Variants in FASN observed in about 807,000 individuals in gnomAD.
FASN encodes fatty acid synthase.
In FASN, 50 loss-of-function variants were observed where a neutral mutation model predicts 250.0. The observed-to-expected ratio is 0.20, with a 90% CI of 0.16 to 0.25. The LOEUF (loss-of-function observed/expected upper bound fraction) is 0.25. Among genes scored for constraint, FASN ranks in the 10% least tolerant of loss-of-function variants. FASN has a pLI of 1.00. For missense variants in FASN, 3,031 were observed against 3,498.5 expected, an observed-to-expected ratio of 0.87 and a Z score of 3.37; for synonymous variants, 1,909 against 1,584.0, an observed-to-expected ratio of 1.21 and a Z score of -4.87.
In FASN at chr17:82,086,441, A is replaced by G; in HGVS notation, c.3545T>C (p.Leu1182Ser). 3.1e-6 allele frequency: 5 copies of G among 1,612,172 alleles called. No individual in the cohort carries two copies. Among genetic ancestry groups the G allele is most frequent in the Non-Finnish European group, 4.2e-6 (5 of 1,179,916 alleles). ...GAGCTGAAGCCTGCAGGCAGCCGACAACAGCCGGGGCAGTTCCTGCTGTGA... is the reference window on the plus strand; with the variant it reads ...GAGCTGAAGCCTGCAGGCAGCCGACGACAGCCGGGGCAGTTCCTGCTGTGA... ...DPSQQELPRL[L>S]SAACRLQLNG... Residue 1182 changes from leucine to serine, a missense_variant, in exon 22 of 43, where the codon TTG becomes TCG. Transcript: ENST00000306749.
At position 82,081,358 on chromosome 17, in the gene FASN, AG is replaced by A; in HGVS notation, c.6407-7del. 6.4e-7 allele frequency: 1 copy of A among 1,559,256 alleles called. No individual in the cohort carries two copies. Among genetic ancestry groups the A allele is most frequent in the Non-Finnish European group, 8.7e-7 (1 of 1,152,854 alleles). On this transcript the variant is annotated splice_region_variant and splice_polypyrimidine_tract_variant and intron_variant, in intron 37 of 42. Coordinates refer to ENST00000306749, the MANE Select transcript of FASN (RefSeq NM_004104.5). The stretch of plus-strand genomic sequence containing the variant: ...AGCAGCCAAGTCGCGGATGCCTGGA[AG>A]GGATGCGCCGGGTCGGCAACTCCAG...
chr17:82,091,629 G>C lies in FASN; in HGVS notation c.1085C>G (p.Pro362Arg), dbSNP rs2034211403. The change falls in exon 9 of 43, where the codon CCC (proline) becomes CGC (arginine). Residue 362 changes from proline (P) to arginine (R), a missense_variant. Pro to Arg is a moderately radical substitution (Grantham distance 103). Transcript: ENST00000306749. ...LWAPNLHFHS[P>R]NPEIPALLDG... is the part of the protein sequence containing the mutation. ...CAACAGCGCTGGGATCTCAGGGTTGGGGCTATGGAAGTGCAGGTTGGGGGC... is the reference window on the plus strand; with the variant it reads ...CAACAGCGCTGGGATCTCAGGGTTGCGGCTATGGAAGTGCAGGTTGGGGGC... 1 of 1,597,098 alleles carries C rather than the reference G, an allele frequency of 6.3e-7. No individual in the cohort carries two copies. The highest frequency in any genetic ancestry group is 8.5e-7 in the Non-Finnish European group (1 of 1,173,548).
In FASN at chr17:82,084,170, T is replaced by C. The variant is rs1480456167; in HGVS notation, c.4920-17A>G. On this transcript the variant is annotated splice_polypyrimidine_tract_variant and intron_variant, in intron 28 of 42. Coordinates refer to ENST00000306749, the MANE Select transcript of FASN (RefSeq NM_004104.5). ...TCCAGCGTCCTGGGGATGCAGCAGG[T>C]GGGTCAGCACAGGCCTGGCCGCCAT... is the stretch of plus-strand genomic sequence containing the variant. 2.5e-6 allele frequency: 4 copies of C among 1,604,252 alleles called. No homozygotes were observed. In the East Asian group the frequency reaches 9.1e-5, roughly 36 times the overall value.
At chr17:82,093,555 C>T (rs2034251450) in intron 4 of FASN, 43 bp downstream of exon 4, 4 of 1,611,832 alleles carry the variant, frequency 2.5e-6, no homozygotes, top group Non-Finnish European at 2.5e-6. Flanking sequence ...CATGTGGGGA[C>T]CTGAAGGCCA....
At chr17:82,090,849 G>C in intron 10 of FASN, 33 bp downstream of exon 10, 3 of 1,556,328 alleles carry the variant, frequency 1.9e-6, no homozygotes, top group Non-Finnish European at 2.6e-6. Context: ...CCTGGGGCTG[G>C]CGTTGCTCAC....
chr17:82,088,048 G>C lies in FASN; in HGVS notation c.2786-14C>G. 1 of 1,612,588 alleles carries C rather than the reference G, an allele frequency of 6.2e-7. No individual in the cohort carries two copies. Among genetic ancestry groups the C allele is most frequent in the East Asian group, 2.2e-5 (1 of 44,876 alleles). ...GGGACACTGTCCCTGCAGAGCGGGA[G>C]AGTTGGAGATCAGAGGGCAGCACCC... is the stretch of plus-strand genomic sequence containing the variant. On this transcript the variant is annotated splice_polypyrimidine_tract_variant and intron_variant, in intron 17 of 42. Coordinates refer to ENST00000306749, the MANE Select transcript of FASN (RefSeq NM_004104.5).
chr17:82,081,634 G>C lies in FASN; in HGVS notation c.6373C>G (p.Arg2125Gly). Residue 2125 changes from arginine to glycine, a missense_variant, in exon 37 of 43, where the codon CGG (arginine) becomes GGG (glycine). By Grantham distance (125) the Arg-to-Gly change is moderately radical (BLOSUM62 -2). Coordinates refer to ENST00000306749, the MANE Select transcript of FASN (RefSeq NM_004104.5). ...TGTGCCACGGCCTCCACCAGGTCCC[G>C]CTGGCTGTCCCTGTCCCTATAGGCC... Reference protein sequence around the residue: ...AAAYRDRDSQRDLVEAVAHIL... With the variant: ...AAAYRDRDSQGDLVEAVAHIL... 1 of 1,612,652 alleles carries C rather than the reference G, an allele frequency of 6.2e-7. No individual in the cohort carries two copies. Among genetic ancestry groups the C allele is most frequent in the Non-Finnish European group, 8.5e-7 (1 of 1,180,008 alleles).
chr17:82,092,797 G>A lies in FASN; in HGVS notation c.794C>T (p.Ser265Leu), dbSNP rs766309917. 2.5e-6 allele frequency: 4 copies of A among 1,601,116 alleles called. No homozygotes were observed. In the African/African-American group the frequency reaches 4.0e-5, roughly 16 times the overall value. ...GATGAGCTGCTCCTGGATATCCCCT[G>A]AGGGGAAGGTCACGCCTGCGGAGGG... ...GFKEQGVTFP[S>L]GDIQEQLIRS... The change falls in exon 7 of 43, where the codon TCA (serine) becomes TTA (leucine). Residue 265 changes from serine (S) to leucine (L), a missense_variant. By Grantham distance (145) the Ser-to-Leu change is moderately radical. Transcript: ENST00000306749.
At chr17:82,090,624 GC>G in intron 10 of FASN, 60 bp from the exon 11 acceptor site, 3 of 1,482,628 alleles carry the variant, frequency 2.0e-6, no homozygotes, top group Non-Finnish European at 2.8e-6. Flanking sequence ...GTTGGGGGCG[GC>G]CCCCGGCCCC....
rs147305769 is a variant in FASN at position 82,085,377 on chromosome 17, C to T, written c.4148G>A (p.Arg1383Lys). ...CAGGCCCACCAGGCGCAGCGACACC[C>T]TGGAGAAGAGGCTCTCCCACGCGTC... ...SQDAWESLFS[R>K]VSLRLVGLKK... is the part of the protein sequence containing the mutation. The change falls in exon 24 of 43, where the codon AGG becomes AAG. Residue 1383 changes from arginine to lysine, a missense_variant. Physicochemically the swap from Arg to Lys is conservative, Grantham distance 26 (BLOSUM62 2). Transcript: ENST00000306749. 1.9e-6 allele frequency: 3 copies of T among 1,611,612 alleles called. No homozygotes were observed. The highest frequency in any genetic ancestry group is 2.5e-6 in the Non-Finnish European group (3 of 1,179,544).
rs1040038884 is a variant in FASN at position 82,086,435 on chromosome 17, G to T, written c.3551C>A (p.Ala1184Asp). The change falls in exon 22 of 43, where the codon GCT (alanine) becomes GAT (aspartate). Residue 1184 changes from alanine (A) to aspartate (D), a missense_variant. Transcript: ENST00000306749. The stretch of plus-strand genomic sequence containing the variant: ...CCCGTTGAGCTGAAGCCTGCAGGCA[G>T]CCGACAACAGCCGGGGCAGTTCCTG... ...SQQELPRLLS[A>D]ACRLQLNGNL... The T allele has an allele frequency of 6.2e-7, 1 of 1,611,858 alleles. No homozygotes were observed. The highest frequency in any genetic ancestry group is 8.5e-7 in the Non-Finnish European group (1 of 1,179,886).
intron 11 of FASN, 53 bp from the exon 12 acceptor site, chr17:82,089,779 C>A (rs936988584): frequency 7.0e-7 from 1 of 1,430,572 alleles, no homozygotes; most frequent in Non-Finnish European, 9.6e-7. Flanking sequence ...CCGCTCCCAG[C>A]CACCCACCCA....
rs771985078 is a variant in FASN, at chr17:82,083,194, C to T, written c.5565+8G>A. The T allele has an allele frequency of 1.9e-6, 3 of 1,612,394 alleles. No individual in the cohort carries two copies. The highest frequency in any genetic ancestry group is 2.5e-6 in the Non-Finnish European group (3 of 1,179,968). Reference sequence around the variant, plus strand: ...GGGTGCCCGAGGCGCCGGGACTCCTCCCCTCACCTGCACGACGACTTTGCC... The same window carrying T: ...GGGTGCCCGAGGCGCCGGGACTCCTTCCCTCACCTGCACGACGACTTTGCC... On this transcript the variant is annotated splice_region_variant and intron_variant, in intron 32 of 42. Transcript: ENST00000306749.
Position 82,080,863 on chromosome 17 carries a change from G to C in FASN, c.6655C>G (p.Leu2219Val). Residue 2219 changes from leucine to valine, a missense_variant, in exon 39 of 43, where the codon CTG becomes GTG. Physicochemically the swap from Leu to Val is conservative, Grantham distance 32. Transcript: ENST00000306749. The stretch of plus-strand genomic sequence containing the variant: ...TCCGGGTTCACCAGCAGGGAGCGCA[G>C]GTTCAGCTGAGTCTGCTGCTGGGCC... ...GLAQQQTQLNLRSLLVNPEGP... is the reference protein window; with the variant it reads ...GLAQQQTQLNVRSLLVNPEGP... 1 of 1,611,598 alleles carries C rather than the reference G, an allele frequency of 6.2e-7. No individual in the cohort carries two copies. Among genetic ancestry groups the C allele is most frequent in the Non-Finnish European group, 8.5e-7 (1 of 1,179,626 alleles).
In FASN at chr17:82,087,682, C is replaced by T. The variant is rs1343211322; in HGVS notation, c.3043+3G>A. 6.2e-7 allele frequency: 1 copy of T among 1,611,112 alleles called. No homozygotes were observed. The highest frequency in any genetic ancestry group is 8.5e-7 in the Non-Finnish European group (1 of 1,179,954). ...CTTGGGCAGCAGTGTAGTCAGTACC[C>T]ACCTTCCAGGCTGGCCTCCAGGATG... On this transcript the variant is annotated splice_donor_region_variant and intron_variant, in intron 19 of 42. Transcript: ENST00000306749.
Position 82,088,746 on chromosome 17 carries a change from T to G in FASN, c.2420+15A>C. On this transcript the variant is annotated intron_variant, in intron 15 of 42. Transcript: ENST00000306749. Reference sequence around the variant, plus strand: ...CGACTCCGGGAGACGAGACCCGGGCTGGGAAGGGACCCACCCTGAGAGGTG... The same window carrying G: ...CGACTCCGGGAGACGAGACCCGGGCGGGGAAGGGACCCACCCTGAGAGGTG... 6.2e-7 allele frequency: 1 copy of G among 1,606,812 alleles called. No homozygotes were observed.
rs868514644 is a variant in FASN at position 82,085,856 on chromosome 17, C to A, written c.3748G>T (p.Gly1250Cys). The A allele has an allele frequency of 1.3e-6, 2 of 1,547,324 alleles. No individual in the cohort carries two copies. Among genetic ancestry groups the A allele is most frequent in the East Asian group, 2.4e-5 (1 of 42,408 alleles). ...CCTGGGATGCGGGAATACAGGTGAC[C>A]GTGGCCAGCCAGCACCTGTAGGGGG... The part of the protein sequence containing the change: ...MKVVEVLAGH[G>C]HLYSRIPGLL... Residue 1250 changes from glycine (G) to cysteine (C), a missense_variant, in exon 23 of 43, where the codon GGT (glycine) becomes TGT (cysteine). Physicochemically the swap from Gly to Cys is radical, Grantham distance 159. Coordinates refer to ENST00000306749, the MANE Select transcript of FASN (RefSeq NM_004104.5).
Position 82,084,257 on chromosome 17 carries a change from G to T in FASN, c.4896C>A (p.Phe1632Leu). 2 of 1,612,114 alleles carry T rather than the reference G, an allele frequency of 1.2e-6. No homozygotes were observed. Among genetic ancestry groups the T allele is most frequent in the Non-Finnish European group, 1.7e-6 (2 of 1,179,656 alleles). The change falls in exon 28 of 43, where the codon TTC becomes TTA. Residue 1632 changes from phenylalanine (F) to leucine (L), a missense_variant. Physicochemically the swap from Phe to Leu is conservative, Grantham distance 22. Coordinates refer to ENST00000306749, the MANE Select transcript of FASN (RefSeq NM_004104.5). ...LATSVLLSPDFLWDVPSNWTL... is the reference protein window; with the variant it reads ...LATSVLLSPDLLWDVPSNWTL... ...ACCAGTTGGAAGGCACATCCCAGAG[G>T]AAGTCCGGTGACAGCAGGACAGAGG...
rs2033982566 is a variant in FASN, at chr17:82,081,281, C to T, written c.6478G>A (p.Val2160Met). ...CGCTCCAGCGTCTGGCGCACCTCCA[C>T]GCTCATGAGCGAGTCCAGGCCCAGG... ...ADLGLDSLMS[V>M]EVRQTLEREL... Residue 2160 changes from valine to methionine, a missense_variant, in exon 38 of 43, where the codon GTG (valine) becomes ATG (methionine). By Grantham distance (21) the Val-to-Met change is conservative (BLOSUM62 1). Transcript: ENST00000306749. The T allele has an allele frequency of 1.3e-5, 21 of 1,562,922 alleles. No individual in the cohort carries two copies. Among genetic ancestry groups the T allele is most frequent in the African/African-American group, 5.4e-5 (4 of 74,006 alleles).
Sources: allele counts gnomAD v4.1 joint callset, GRCh38; gene constraint gnomAD v4.1.1; transcripts MANE v1.5; gene names NCBI Gene and HGNC (gene_info 2026-07-23, HGNC 2026-07-21).